The following WWTR1 variants were observed in gnomAD, a reference collection of about 807,000 sequenced individuals.
The protein encoded by WWTR1 is WW domain-containing transcription regulator protein 1.
A neutral mutation model predicts 40.1 loss-of-function variants in WWTR1; 13 were observed. That is an observed-to-expected ratio of 0.32 (90% CI 0.21 to 0.52). The LOEUF (loss-of-function observed/expected upper bound fraction) is 0.52, where lower values mean the gene tolerates loss of function less well. Ranked by LOEUF, WWTR1 falls within the 20% of genes least tolerant of loss-of-function variation. The pLI, the probability that WWTR1 is intolerant of heterozygous loss-of-function variation, is 0.97. For synonymous variants in WWTR1, 230 were observed against 210.1 expected (o/e 1.09, Z -0.82); for missense variants, 436 against 523.1 (o/e 0.83, Z 1.63).
chr3:149,697,078 T>C (rs779690312), intron 1 of WWTR1, among the ~76,000 whole-genome samples: 2 of 152,194 alleles, frequency 1.3e-5, no homozygotes, highest in Non-Finnish European at 2.9e-5. Flanking sequence ...CCACAGCACA[T>C]GATAGATGTT....
chr3:149,524,243 T>TA (rs1225571248), intron 6 of WWTR1, among the ~76,000 whole-genome samples: 4 of 152,040 alleles, frequency 2.6e-5, no homozygotes, highest in African/African-American at 9.7e-5. Flanking sequence ...AATTCCACAT[T>TA]ACGGCTTCAA....
At position 149,521,115 on chromosome 3, in the gene WWTR1, T is replaced by G. The variant is rs899258252; in HGVS notation, c.1019-126A>C. ...CTACCACATTATTGACCCTTACTCA[T>G]AAGAGGTACAGAGATGTGGAAGAAA... On this transcript the variant is annotated intron_variant, in intron 6 of 6. Coordinates refer to ENST00000360632, the MANE Select transcript of WWTR1 (RefSeq NM_015472.6). The G allele has an allele frequency of 1.3e-5, 15 of 1,146,500 alleles. No individual in the cohort carries two copies. The Admixed American group carries it at 3.3e-4, about 25-fold the overall frequency. 71.0% of individuals were successfully genotyped at this position (1,146,500 alleles called of 1,614,324 possible). A position where few individuals can be genotyped will look rare whatever the true frequency, so the allele number is the denominator to read the frequency against.
At chr3:149,633,582 T>C (rs1424612963) in intron 2 of WWTR1, among the ~76,000 whole-genome samples, 3 of 152,128 alleles carry the variant, frequency 2.0e-5, no homozygotes, top group Admixed American at 6.6e-5. Context: ...GGTATAATGG[T>C]AGACCCCCAA....
intron 3 of WWTR1, 94 bp from the exon 4 acceptor site, chr3:149,542,631 A>G: frequency 3.2e-6 from 4 of 1,231,116 alleles, no homozygotes; most frequent in Non-Finnish European, 4.4e-6. Context: ...TGGAGTATAG[A>G]TTCCTGAGAT....
chr3:149,693,193 C>A (rs1342891432), intron 1 of WWTR1, among the ~76,000 whole-genome samples: 1 of 152,016 alleles, frequency 6.6e-6, no homozygotes, highest in Non-Finnish European at 1.5e-5. Context: ...CAACAGCAAA[C>A]AATCTGAAAA....
chr3:149,651,269 C>A (rs910125347), intron 2 of WWTR1, among the ~76,000 whole-genome samples: 1 of 152,004 alleles, frequency 6.6e-6, no homozygotes, highest in Admixed American at 6.5e-5. Context: ...AACTTACCTC[C>A]TACAAACCAC....
intron 5 of WWTR1, among the ~76,000 whole-genome samples, chr3:149,715,618 C>T (rs1302576598): frequency 6.6e-6 from 1 of 152,212 alleles, no homozygotes; most frequent in Non-Finnish European, 1.5e-5. Context: ...GCGGAACAAG[C>T]CCAGAGGGCC....
At chr3:149,689,414 G>GAAA (rs3044082) in intron 1 of WWTR1, among the ~76,000 whole-genome samples, 1 of 109,534 alleles carries the variant, frequency 9.1e-6, no homozygotes, top group East Asian at 2.7e-4. Flanking sequence ...AAAGAAGACA[G>GAAA]AAAAAAAAAA....
chr3:149,652,211 A>T (rs1712919747), intron 2 of WWTR1, among the ~76,000 whole-genome samples: 1 of 151,924 alleles, frequency 6.6e-6, no homozygotes, highest in Non-Finnish European at 1.5e-5. Context: ...GCACAAATAC[A>T]GGTTATGGGT....
At chr3:149,665,444 C>A (rs1240518318) in intron 2 of WWTR1, among the ~76,000 whole-genome samples, 3 of 151,968 alleles carry the variant, frequency 2.0e-5, no homozygotes, top group Non-Finnish European at 4.4e-5. Context: ...CCAGGATGTT[C>A]TCGATCTCCT....
chr3:149,674,674 C>T (rs73000063), intron 1 of WWTR1, among the ~76,000 whole-genome samples: 30,239 of 151,884 alleles, frequency 0.2, 3,240 homozygotes, highest in Admixed American at 0.3. Context: ...TGTACTGATA[C>T]ACCTCCTTAG....
intron 4 of WWTR1, among the ~76,000 whole-genome samples, chr3:149,538,209 C>T (rs921766477): frequency 2.0e-5 from 3 of 152,160 alleles, no homozygotes; most frequent in Non-Finnish European, 4.4e-5. Flanking sequence ...CGTCAGCCAC[C>T]ACGCTTAGTC....
intron 2 of WWTR1, among the ~76,000 whole-genome samples, chr3:149,598,036 G>A (rs980724076): frequency 6.6e-6 from 1 of 152,210 alleles, no homozygotes; most frequent in Non-Finnish European, 1.5e-5. Flanking sequence ...GCCTGCAGGT[G>A]AGTGTTGTTG....
chr3:149,722,274 C>A (rs1274709655), intron 4 of WWTR1, among the ~76,000 whole-genome samples: 1 of 151,414 alleles, frequency 6.6e-6, no homozygotes, highest in Non-Finnish European at 1.5e-5. Flanking sequence ...TATTTTATTC[C>A]TCCTACTAGC....
intron 4 of WWTR1, among the ~76,000 whole-genome samples, chr3:149,532,553 T>A (rs1269604390): frequency 2.6e-5 from 4 of 152,210 alleles, no homozygotes; most frequent in Non-Finnish European, 4.4e-5. Context: ...AGTTCTATAT[T>A]TAGAACTTTA....
chr3:149,719,817 C>T (rs1020425070), intron 4 of WWTR1, among the ~76,000 whole-genome samples: 1 of 152,144 alleles, frequency 6.6e-6, no homozygotes, highest in Non-Finnish European at 1.5e-5. Context: ...CTAAGGGTGT[C>T]CAGGTGGCTC....
intron 3 of WWTR1, among the ~76,000 whole-genome samples, chr3:149,566,636 A>G (rs1470955619): frequency 6.6e-6 from 1 of 152,194 alleles, no homozygotes; most frequent in Admixed American, 6.5e-5. Context: ...AACTTTCAGC[A>G]TGTCTTTCCA....
At chr3:149,541,100 G>A (rs547595594) in intron 4 of WWTR1, 9 of 453,176 alleles carry the variant, frequency 2.0e-5, no homozygotes, top group South Asian at 1.3e-4. Flanking sequence ...AGTAGCAAAA[G>A]GAAGTTATTC....
Position 149,724,513 on chromosome 3 carries a change from G to A in WWTR1, n.323+189C>T, listed in dbSNP as rs1391139847. 9.1e-5 allele frequency among the ~76,000 whole-genome samples: 12 copies of A among 132,080 alleles called. No homozygotes were observed. In the South Asian group the frequency reaches 1.5e-3, roughly 16 times the overall value. 86.6% of individuals were successfully genotyped at this position (132,080 alleles called of 152,430 possible). On this transcript the variant is annotated intron_variant and non_coding_transcript_variant, in intron 3 of 6. Coordinates refer to the WWTR1 transcript ENST00000474080. ...CCCAGACTCCTTAAAAAAAAAAAAA[G>A]GCAGTTTTTAATCCTTTCCAATGGT...
Sources: allele counts gnomAD v4.1 joint callset (sites outside exome capture counted in the v4.1 genomes callset), GRCh38; gene constraint gnomAD v4.1.1; transcripts MANE v1.5; gene names NCBI Gene and HGNC (gene_info 2026-07-23, HGNC 2026-07-21).